Variants in EIF4ENIF1 observed in about 807,000 individuals in gnomAD.
The protein encoded by EIF4ENIF1 is eukaryotic translation initiation factor 4E nuclear import factor 1, also known as eukaryotic translation initiation factor 4E transporter.
A neutral mutation model predicts 110.5 loss-of-function variants in EIF4ENIF1; 23 were observed. The observed-to-expected ratio is 0.21, with a 90% CI of 0.15 to 0.29. The LOEUF (loss-of-function observed/expected upper bound fraction) is 0.29, where lower values mean the gene tolerates loss of function less well. Ranked by LOEUF, EIF4ENIF1 falls within the 10% of genes least tolerant of loss-of-function variation. EIF4ENIF1 has a pLI of 1.00. For synonymous variants in EIF4ENIF1, 440 were observed against 437.0 expected, an observed-to-expected ratio of 1.01 and a Z score of -0.09; for missense variants, 1,031 against 1,221.1, an observed-to-expected ratio of 0.84 and a Z score of 2.32.
In EIF4ENIF1 at chr22:31,482,102, C is replaced by T. The variant is rs539435160; in HGVS notation, c.96+6521G>A. On this transcript the variant is annotated intron_variant, in intron 2 of 18. Coordinates refer to ENST00000330125, the MANE Select transcript of EIF4ENIF1 (RefSeq NM_019843.4). ...GGAAGGATCGCATGAATGCAGAGTT[C>T]GAGGCTGCAGTGAGTTAACTGTACC... Among the ~76,000 whole-genome samples, 6 of 149,976 alleles carry T rather than the reference C, an allele frequency of 4.0e-5. No homozygotes were observed. The South Asian group carries it at 8.4e-4, about 21-fold the overall frequency.
upstream of EIF4ENIF1, among the ~76,000 whole-genome samples, chr22:31,492,214 T>TG (rs1486502205): frequency 6.6e-6 from 1 of 152,290 alleles, no homozygotes; most frequent in East Asian, 1.9e-4. Context: ...GCCATATAGT[T>TG]GCTGTATTGC....
In EIF4ENIF1 at chr22:31,439,651, T is replaced by C. The variant is rs1293275558; in HGVS notation, c.*229A>G. On this transcript the variant is annotated 3_prime_UTR_variant, in exon 19 of 19. Coordinates refer to ENST00000330125, the MANE Select transcript of EIF4ENIF1 (RefSeq NM_019843.4). ...CATATCTTACAAAAAAGAAAGACCATTTCCAGGATTGACAACATTGTGCAT... is the reference window on the plus strand; with the variant it reads ...CATATCTTACAAAAAAGAAAGACCACTTCCAGGATTGACAACATTGTGCAT... 6.8e-6 allele frequency: 4 copies of C among 588,674 alleles called. No homozygotes were observed. Among genetic ancestry groups the C allele is most frequent in the Non-Finnish European group, 8.5e-6 (3 of 351,518 alleles). The allele number at this position is 588,674 out of a possible 1,614,324, so 36.5% of individuals were successfully genotyped here.
chr22:31,456,422 A>C (rs1366969029), intron 7 of EIF4ENIF1, among the ~76,000 whole-genome samples: 12 of 151,580 alleles, frequency 7.9e-5, no homozygotes, highest in Admixed American at 7.2e-4. Flanking sequence ...ACGGGGTTTT[A>C]CCGTGTTAGC....
intron 6 of EIF4ENIF1, among the ~76,000 whole-genome samples, chr22:31,462,678 G>T (rs971699656): frequency 1.3e-5 from 2 of 152,066 alleles, no homozygotes; most frequent in African/African-American, 2.4e-5. Context: ...CTGCCTCCCA[G>T]GTTCAAGCAA....
chr22:31,463,824 G>A lies in EIF4ENIF1; in HGVS notation c.442C>T (p.Arg148Cys), dbSNP rs2051080853. 8 of 1,614,026 alleles carry A rather than the reference G, an allele frequency of 5.0e-6. No individual in the cohort carries two copies. Among genetic ancestry groups the A allele is most frequent in the Non-Finnish European group, 6.8e-6 (8 of 1,180,020 alleles). The change falls in exon 5 of 19, where the codon CGT (arginine) becomes TGT (cysteine). Residue 148 changes from arginine to cysteine, a missense_variant. Physicochemically the swap from Arg to Cys is radical, Grantham distance 180 (BLOSUM62 -3). Coordinates refer to ENST00000330125, the MANE Select transcript of EIF4ENIF1 (RefSeq NM_019843.4). ...SPLEKDSDGLRLLGGRRIGSG... is the reference protein window; with the variant it reads ...SPLEKDSDGLCLLGGRRIGSG... ...CCAATCCTACGTCCACCAAGCAGAC[G>A]AAGCCCATCACTATCTTTCTCTAAT... is the stretch of plus-strand genomic sequence containing the variant.
At chr22:31,479,558 G>A (rs1280108831) in intron 2 of EIF4ENIF1, 1 of 151,972 alleles carries the variant, frequency 6.6e-6, no homozygotes, top group Non-Finnish European at 1.5e-5. Flanking sequence ...ACCCCTTTGG[G>A]ATATTTTCAA....
At chr22:31,472,162 C>T (rs1180635969) in intron 2 of EIF4ENIF1, among the ~76,000 whole-genome samples, 1 of 152,112 alleles carries the variant, frequency 6.6e-6, no homozygotes, top group Non-Finnish European at 1.5e-5. Flanking sequence ...TATTGAATAA[C>T]ATTTCGTAAC....
At chr22:31,440,897 G>GTAGT in intron 17 of EIF4ENIF1, 29 bp from the exon 18 acceptor site, 1 of 1,612,792 alleles carries the variant, frequency 6.2e-7, no homozygotes, top group African/African-American at 1.3e-5. Context: ...AAGCAGCTGA[G>GTAGT]TAGTCTTAAT....
At chr22:31,464,345 T>C (rs2051100025) in intron 4 of EIF4ENIF1, 1 of 202,696 alleles carries the variant, frequency 4.9e-6, no homozygotes, top group African/African-American at 2.4e-5. Flanking sequence ...AACAAAATGG[T>C]GTTGAACGGT....
intron 10 of EIF4ENIF1, 52 bp from the exon 11 acceptor site, chr22:31,450,412 A>C: frequency 6.9e-7 from 1 of 1,443,246 alleles, no homozygotes; most frequent in Non-Finnish European, 9.7e-7. Context: ...CACTTAACTT[A>C]CAGATTGATT....
At chr22:31,461,223 A>T (rs2050983128) in intron 6 of EIF4ENIF1, among the ~76,000 whole-genome samples, 1 of 152,172 alleles carries the variant, frequency 6.6e-6, no homozygotes, top group Admixed American at 6.5e-5. Context: ...CTAGTACTTT[A>T]ACCCAGGTTA....
chr22:31,488,478 G>C (rs1352800192), intron 2 of EIF4ENIF1, 145 bp downstream of exon 2: 20 of 1,279,616 alleles, frequency 1.6e-5, no homozygotes, highest in Non-Finnish European at 2.0e-5. Flanking sequence ...AATGTTCAAA[G>C]TAATGCACTA....
rs2050243069 is a variant in EIF4ENIF1, at chr22:31,440,045, C to G, written c.2793G>C (p.Arg931=). Residue 931 remains arginine (R), a synonymous_variant, in exon 19 of 19, where the codon CGG becomes CGC. Transcript: ENST00000330125. ...GGGAGTGCATGTGGGGCAGGCCTGA[C>G]CGGCTGGGCACGTTCTGAGGGGTTG... ...VQTTPQNVPS[R]SGLPHMHSQL... The G allele has an allele frequency of 1.2e-6, 2 of 1,613,930 alleles. No individual in the cohort carries two copies. Among genetic ancestry groups the G allele is most frequent in the African/African-American group, 1.3e-5 (1 of 75,028 alleles).
chr22:31,439,912 T>C lies in EIF4ENIF1; in HGVS notation c.2926A>G (p.Ile976Val). 1 of 1,614,012 alleles carries C rather than the reference T, an allele frequency of 6.2e-7. No homozygotes were observed. Among genetic ancestry groups the C allele is most frequent in the Non-Finnish European group, 8.5e-7 (1 of 1,180,022 alleles). The change falls in exon 19 of 19, where the codon ATC becomes GTC. Residue 976 changes from isoleucine to valine, a missense_variant. Coordinates refer to ENST00000330125, the MANE Select transcript of EIF4ENIF1 (RefSeq NM_019843.4). Reference sequence around the variant, plus strand: ...CGGTATTCCAATTCATCTACACTGATAACTTTGGCGGGCATGGAGGGCAGG... The same window carrying C: ...CGGTATTCCAATTCATCTACACTGACAACTTTGGCGGGCATGGAGGGCAGG... ...QPLPSMPAKV[I>V]SVDELEYRQ is the part of the protein sequence containing the mutation.
At chr22:31,458,718 G>C (rs1263417148) in intron 6 of EIF4ENIF1, 68 bp from the exon 7 acceptor site, 2 of 1,425,092 alleles carry the variant, frequency 1.4e-6, no homozygotes, top group African/African-American at 1.4e-5. Flanking sequence ...TGTGGCTTCA[G>C]CCATCAGTAT....
intron 2 of EIF4ENIF1, among the ~76,000 whole-genome samples, chr22:31,482,197 A>G (rs768731716): frequency 3.7e-4 from 56 of 151,764 alleles, no homozygotes; most frequent in Admixed American, 7.9e-4. Flanking sequence ...ACATGAAGTT[A>G]AACTAAGATA....
Position 31,468,293 on chromosome 22 carries a change from G to A in EIF4ENIF1, c.180C>T (p.Val60=). The change falls in exon 4 of 19, where the codon GTC becomes GTT. Residue 60 remains valine (V), a synonymous_variant. Coordinates refer to ENST00000330125, the MANE Select transcript of EIF4ENIF1 (RefSeq NM_019843.4). ...AGGCATGCCACTTCTCAGGGTCCCAGACACCATCACTACAGGTCAAAAAAT... is the reference window on the plus strand; with the variant it reads ...AGGCATGCCACTTCTCAGGGTCCCAAACACCATCACTACAGGTCAAAAAAT... ...CLSEKYDSDG[V]WDPEKWHASL... is the part of the protein sequence containing the mutation. The A allele has an allele frequency of 6.2e-7, 1 of 1,614,154 alleles. No homozygotes were observed. The highest frequency in any genetic ancestry group is 8.5e-7 in the Non-Finnish European group (1 of 1,180,028).
chr22:31,440,038 G>C lies in EIF4ENIF1; in HGVS notation c.2800C>G (p.Leu934Val), dbSNP rs1419514582. Residue 934 changes from leucine to valine, a missense_variant, in exon 19 of 19, where the codon CTG becomes GTG. This residue lies in a region of EIF4ENIF1 where 309 missense variants were observed against 299.1 expected (regional missense o/e 1.03). Coordinates refer to ENST00000330125, the MANE Select transcript of EIF4ENIF1 (RefSeq NM_019843.4). ...TPQNVPSRSG[L>V]PHMHSQLEHR... Reference sequence around the variant, plus strand: ...TCCAGCTGGGAGTGCATGTGGGGCAGGCCTGACCGGCTGGGCACGTTCTGA... The same window carrying C: ...TCCAGCTGGGAGTGCATGTGGGGCACGCCTGACCGGCTGGGCACGTTCTGA... 3 of 1,613,996 alleles carry C rather than the reference G, an allele frequency of 1.9e-6. No homozygotes were observed. Among genetic ancestry groups the C allele is most frequent in the East Asian group, 2.2e-5 (1 of 44,894 alleles).
chr22:31,468,105 G>T, intron 4 of EIF4ENIF1, 70 bp downstream of exon 4: 1 of 1,573,432 alleles, frequency 6.4e-7, no homozygotes, highest in South Asian at 1.2e-5. Context: ...TCAGAGCTAA[G>T]AATGAAACCA....
Sources: gnomAD v4.1 joint callset for allele counts (sites outside exome capture counted in the v4.1 genomes callset) on GRCh38, gnomAD v4.1.1 for gene constraint, gnomAD v4.1.1 regional missense constraint, MANE v1.5 for transcripts, NCBI Gene and HGNC (gene_info 2026-07-23, HGNC 2026-07-21) for gene names.